The following GH1 variants were observed in gnomAD, a reference collection of about 807,000 sequenced individuals.
GH1 encodes the protein somatotropin.
Under a neutral mutation model 24.5 loss-of-function variants are expected in GH1, and 13 were observed. That is an observed-to-expected ratio of 0.53 (90% CI 0.35 to 0.85). The LOEUF (loss-of-function observed/expected upper bound fraction) is 0.85. Ranked by LOEUF, GH1 falls within the 40% of genes least tolerant of loss-of-function variation. The probability of loss-of-function intolerance (pLI) is 0.01; values close to 1 mark genes in which losing one functional copy is unlikely to be tolerated. For synonymous variants in GH1, 126 were observed against 116.3 expected (o/e 1.08, Z -0.54); for missense variants, 294 against 273.2 (o/e 1.08, Z -0.54).
Position 63,918,024 on chromosome 17 carries a change from T to C in GH1, c.284A>G (p.Gln95Arg). Reference protein sequence around the residue: ...PTPSNREETQQKSNLELLRIS... With the variant: ...PTPSNREETQRKSNLELLRIS... ...GAGAAGGCATCCACTCACGGATTTC[T>C]GTTGTGTTTCCTCCCTGTTGGAGGG... is the stretch of plus-strand genomic sequence containing the variant. The change falls in exon 3 of 5, where the codon CAG (glutamine) becomes CGG (arginine). Residue 95 changes from glutamine to arginine, a missense_variant. By Grantham distance (43) the Gln-to-Arg change is conservative (BLOSUM62 1). Transcript: ENST00000323322. 1 of 1,614,180 alleles carries C rather than the reference T, an allele frequency of 6.2e-7. No homozygotes were observed. Among genetic ancestry groups the C allele is most frequent in the Non-Finnish European group, 8.5e-7 (1 of 1,180,030 alleles).
chr17:63,917,884 G>C lies in GH1; in HGVS notation c.332C>G (p.Ser111Trp). The C allele has an allele frequency of 6.2e-7, 1 of 1,614,152 alleles. No individual in the cohort carries two copies. The highest frequency in any genetic ancestry group is 8.5e-7 in the Non-Finnish European group (1 of 1,180,014). ...LLRISLLLIQ[S>W]WLEPVQFLRS... ...GAGGAACTGCACGGGCTCCAGCCAC[G>C]ACTGGATGAGCAGCAGGGAGATGCG... The change falls in exon 4 of 5, where the codon TCG becomes TGG. Residue 111 changes from serine (S) to tryptophan (W), a missense_variant. By Grantham distance (177) the Ser-to-Trp change is radical. Transcript: ENST00000323322.
chr17:63,918,686 T>A (rs1907545889), intron 1 of GH1, 81 bp downstream of exon 1: 2 of 1,612,070 alleles, frequency 1.2e-6, no homozygotes, highest in Admixed American at 3.3e-5. Flanking sequence ...AACCTGAGGG[T>A]TAGTGCCCCC....
rs1186223081 is a variant in GH1 at position 63,917,869 on chromosome 17, A to G, written c.347T>C (p.Val116Ala). Residue 116 changes from valine to alanine, a missense_variant, in exon 4 of 5, where the codon GTG becomes GCG. By Grantham distance (64) the Val-to-Ala change is moderately conservative. Transcript: ENST00000323322. ...LLLIQSWLEPVQFLRSVFANS... is the reference protein window; with the variant it reads ...LLLIQSWLEPAQFLRSVFANS... Reference sequence around the variant, plus strand: ...GGCGAAGACACTCCTGAGGAACTGCACGGGCTCCAGCCACGACTGGATGAG... The same window carrying G: ...GGCGAAGACACTCCTGAGGAACTGCGCGGGCTCCAGCCACGACTGGATGAG... 6.2e-7 allele frequency: 1 copy of G among 1,614,052 alleles called. No homozygotes were observed. The highest frequency in any genetic ancestry group is 8.5e-7 in the Non-Finnish European group (1 of 1,180,026).
intron 4 of GH1, 74 bp downstream of exon 4, chr17:63,917,686 C>T: frequency 6.2e-7 from 1 of 1,614,088 alleles, no homozygotes; most frequent in East Asian, 2.2e-5. Flanking sequence ...AAAAAGAGGG[C>T]AGCAGTGTTT....
chr17:63,918,681 G>C, intron 1 of GH1, 86 bp downstream of exon 1: 1 of 1,612,042 alleles, frequency 6.2e-7, no homozygotes, highest in Non-Finnish European at 8.5e-7. Flanking sequence ...CCCCAAACCT[G>C]AGGGTTAGTG....
intron 1 of GH1, 96 bp downstream of exon 1, chr17:63,918,671 C>G: frequency 6.2e-7 from 1 of 1,611,484 alleles, no homozygotes; most frequent in Non-Finnish European, 8.5e-7. Context: ...CATTCAGAAG[C>G]CCCAAACCTG....
At chr17:63,918,583 G>T (rs1443820496) in intron 1 of GH1, 77 bp from the exon 2 acceptor site, 3 of 1,611,386 alleles carry the variant, frequency 1.9e-6, no homozygotes, top group African/African-American at 1.3e-5. Flanking sequence ...GGAGCTGTTT[G>T]TTTTTCTCTC....
At chr17:63,917,590 C>T (rs1172033404) in intron 4 of GH1, 84 bp from the exon 5 acceptor site, 2 of 1,613,806 alleles carry the variant, frequency 1.2e-6, no homozygotes, top group Non-Finnish European at 1.7e-6. Flanking sequence ...TCCTCCCTCC[C>T]CTTCAGGGTG....
rs776036784 is a variant in GH1 at position 63,917,867 on chromosome 17, G to T, written c.349C>A (p.Gln117Lys). 1.9e-6 allele frequency: 3 copies of T among 1,614,206 alleles called. No homozygotes were observed. Among genetic ancestry groups the T allele is most frequent in the Non-Finnish European group, 2.5e-6 (3 of 1,180,026 alleles). Residue 117 changes from glutamine (Q) to lysine (K), a missense_variant, in exon 4 of 5, where the codon CAG becomes AAG. Transcript: ENST00000323322. ...LLIQSWLEPV[Q>K]FLRSVFANSL... The stretch of plus-strand genomic sequence containing the variant: ...TTGGCGAAGACACTCCTGAGGAACT[G>T]CACGGGCTCCAGCCACGACTGGATG...
At chr17:63,917,966 T>C (rs748100671) in intron 3 of GH1, 42 bp from the exon 4 acceptor site, 2 of 1,614,188 alleles carry the variant, frequency 1.2e-6, no homozygotes, top group South Asian at 1.1e-5. Context: ...GCCCGGGGGC[T>C]CTGACTACAG....
chr17:63,918,561 C>T lies in GH1; in HGVS notation c.11-55G>A, dbSNP rs1907533495. 3.3e-5 allele frequency: 53 copies of T among 1,612,340 alleles called. No individual in the cohort carries two copies. In the South Asian group the frequency reaches 5.7e-4, roughly 17 times the overall value. ...AGCCGGAGAGCAAGAGGCCAGCACT[C>T]TCCCTGCTCCAGGAGCTGTTTGTTT... On this transcript the variant is annotated intron_variant, in intron 1 of 4. Coordinates refer to ENST00000323322, the MANE Select transcript of GH1 (RefSeq NM_000515.5).
At position 63,918,796 on chromosome 17, in the gene GH1, C is replaced by T; in HGVS notation, c.-20G>A. On this transcript the variant is annotated 5_prime_UTR_variant, in exon 1 of 5. Transcript: ENST00000323322. ...AGCCATTGCAGCTAGGTGAGCTGTC[C>T]ACAGGACCCTGAGTGGTTCGGGGAG... is the stretch of plus-strand genomic sequence containing the variant. The T allele has an allele frequency of 6.8e-6, 11 of 1,613,940 alleles. No homozygotes were observed. The highest frequency in any genetic ancestry group is 9.3e-6 in the Non-Finnish European group (11 of 1,179,858).
At chr17:63,918,739 T>G in intron 1 of GH1, 28 bp downstream of exon 1, 1 of 1,613,858 alleles carries the variant, frequency 6.2e-7, no homozygotes, top group South Asian at 1.1e-5. Context: ...GGACACATTG[T>G]GCCCAAAGGG....
In GH1 at chr17:63,917,891, T is replaced by G. The variant is rs1486571336; in HGVS notation, c.325A>C (p.Ile109Leu). ...LELLRISLLL[I>L]QSWLEPVQFL... ...TGCACGGGCTCCAGCCACGACTGGATGAGCAGCAGGGAGATGCGGAGCAGC... is the reference window on the plus strand; with the variant it reads ...TGCACGGGCTCCAGCCACGACTGGAGGAGCAGCAGGGAGATGCGGAGCAGC... The change falls in exon 4 of 5, where the codon ATC (isoleucine) becomes CTC (leucine). Residue 109 changes from isoleucine (I) to leucine (L), a missense_variant. Ile to Leu is a conservative substitution (Grantham distance 5). Coordinates refer to ENST00000323322, the MANE Select transcript of GH1 (RefSeq NM_000515.5). 13 of 1,614,012 alleles carry G rather than the reference T, an allele frequency of 8.1e-6. No individual in the cohort carries two copies. The highest frequency in any genetic ancestry group is 1.1e-5 in the Non-Finnish European group (13 of 1,180,010).
At chr17:63,918,214 G>C (rs915771648) in intron 2 of GH1, 78 bp from the exon 3 acceptor site, 6 of 1,612,608 alleles carry the variant, frequency 3.7e-6, no homozygotes, top group East Asian at 2.2e-5. Flanking sequence ...CTCACTCAGC[G>C]TGTGCTCATC....
At position 63,918,767 on chromosome 17, in the gene GH1, C is replaced by G; in HGVS notation, c.10G>C (p.Gly4Arg). Residue 4 changes from glycine (G) to arginine (R), a missense_variant and splice_region_variant, in exon 1 of 5, where the codon GGC (glycine) becomes CGC (arginine). Coordinates refer to ENST00000323322, the MANE Select transcript of GH1 (RefSeq NM_000515.5). Reference sequence around the variant, plus strand: ...CCAAAGGGATTTTAGGGGCGCTTACCTGTAGCCATTGCAGCTAGGTGAGCT... The same window carrying G: ...CCAAAGGGATTTTAGGGGCGCTTACGTGTAGCCATTGCAGCTAGGTGAGCT... MATGSRTSLLLAFG... is the reference protein window; with the variant it reads MATRSRTSLLLAFG... 1 of 1,613,986 alleles carries G rather than the reference C, an allele frequency of 6.2e-7. No individual in the cohort carries two copies. The highest frequency in any genetic ancestry group is 8.5e-7 in the Non-Finnish European group (1 of 1,179,872).
At position 63,918,401 on chromosome 17, in the gene GH1, G is replaced by A. The variant is rs151263636; in HGVS notation, c.116C>T (p.Ala39Val). ...TIPLSRLFDN[A>V]MLRAHRLHQL... ...GTGCAGACGATGGGCGCGGAGCATA[G>A]CGTTGTCAAAAAGCCTGGATAAGGG... The change falls in exon 2 of 5, where the codon GCT becomes GTT. Residue 39 changes from alanine (A) to valine (V), a missense_variant. Physicochemically the swap from Ala to Val is moderately conservative, Grantham distance 64. Coordinates refer to ENST00000323322, the MANE Select transcript of GH1 (RefSeq NM_000515.5). The A allele has an allele frequency of 1.7e-3, 2,699 of 1,614,188 alleles. 45 individuals carry two copies. In the African/African-American group the frequency reaches 0.032, roughly 19 times the overall value.
At chr17:63,918,302 C>A (rs765036241) in intron 2 of GH1, 44 bp downstream of exon 2, 28 of 1,613,294 alleles carry the variant, frequency 1.7e-5, no homozygotes, top group Non-Finnish European at 2.3e-5. Flanking sequence ...GAAAGTCACC[C>A]CTTCCTGCCA....
intron 3 of GH1, 36 bp downstream of exon 3, chr17:63,917,981 C>T: frequency 6.2e-7 from 1 of 1,614,200 alleles, no homozygotes. Context: ...CTACAGGTCT[C>T]CCCCATCCCC....
Sources: gnomAD v4.1 joint callset for allele counts on GRCh38, gnomAD v4.1.1 for gene constraint, MANE v1.5 for transcripts, NCBI Gene and HGNC (gene_info 2026-07-23, HGNC 2026-07-21) for gene names.